Variants in PTPRD observed in about 807,000 individuals in gnomAD.
PTPRD encodes the protein receptor-type tyrosine-protein phosphatase delta.
In PTPRD, 34 loss-of-function variants were observed where a neutral mutation model predicts 214.5. The observed-to-expected ratio is 0.16, with a 90% CI of 0.12 to 0.21. The LOEUF is 0.21. Ranked by LOEUF, PTPRD falls within the 10% of genes least tolerant of loss-of-function variation. The pLI, the probability that PTPRD is intolerant of heterozygous loss-of-function variation, is 1.00. For synonymous variants in PTPRD, 1,128 were observed against 845.7 expected, an observed-to-expected ratio of 1.33 and a Z score of -5.79; for missense variants, 2,545 against 2,398.7, an observed-to-expected ratio of 1.06 and a Z score of -1.27.
At chr9:8,795,742 T>C (rs2096396705) in intron 11 of PTPRD, among the ~76,000 whole-genome samples, 1 of 152,218 alleles carries the variant, frequency 6.6e-6, no homozygotes, top group Non-Finnish European at 1.5e-5. Flanking sequence ...GTCTTATTTA[T>C]GAAGTGGAAA....
intron 20 of PTPRD, among the ~76,000 whole-genome samples, chr9:8,519,265 T>C (rs1482127748): frequency 6.6e-6 from 1 of 152,200 alleles, no homozygotes; most frequent in Non-Finnish European, 1.5e-5. Flanking sequence ...TGTAGCTACA[T>C]GACAAATATT....
intron 8 of PTPRD, among the ~76,000 whole-genome samples, chr9:9,426,134 G>A (rs753173194): frequency 1.3e-5 from 2 of 152,174 alleles, no homozygotes; most frequent in East Asian, 1.9e-4. Flanking sequence ...GAAGCACAAG[G>A]GGTTGGGGAA....
chr9:8,948,483 A>ATATATATATT (rs1567183067), intron 11 of PTPRD, among the ~76,000 whole-genome samples: 1 of 55,842 alleles, frequency 1.8e-5, no homozygotes, highest in African/African-American at 7.1e-5. Flanking sequence ...ATATATATTT[A>ATATATATATT]TATATATATT....
chr9:9,040,169 G>A (rs2099635126), intron 10 of PTPRD, among the ~76,000 whole-genome samples: 1 of 152,152 alleles, frequency 6.6e-6, no homozygotes, highest in Non-Finnish European at 1.5e-5. Context: ...TGAAACTCAA[G>A]TTTATGCTTT....
chr9:8,860,587 A>T (rs1322932634), intron 11 of PTPRD: 3 of 152,230 alleles, frequency 2.0e-5, no homozygotes, highest in Non-Finnish European at 4.4e-5. Flanking sequence ...TTCTCTGCAC[A>T]TCTGAGTAGT....
intron 11 of PTPRD, among the ~76,000 whole-genome samples, chr9:8,892,663 ATATATATGTGTATATATATATGAGTG>A (rs1566866428): frequency 3.2e-4 from 43 of 133,498 alleles, no homozygotes; most frequent in African/African-American, 1.2e-3. Flanking sequence ...ATATGAGTGT[ATATATATGTGTATATATATATGAGTG>A]TATATATATA....
rs1255857206 is a variant in PTPRD at position 9,110,704 on chromosome 9, C to T, written c.-143+72600G>A. Reference sequence around the variant, plus strand: ...ATCCTCTTATCTCCCTGCCCACAGACCACCATCAACTCAGCCTGTACTTTG... The same window carrying T: ...ATCCTCTTATCTCCCTGCCCACAGATCACCATCAACTCAGCCTGTACTTTG... On this transcript the variant is annotated intron_variant, in intron 10 of 45. Transcript: ENST00000381196. Among the ~76,000 whole-genome samples the T allele has an allele frequency of 3.9e-5, 6 of 152,160 alleles. No homozygotes were observed. The South Asian group carries it at 1.0e-3, about 26-fold the overall frequency.
chr9:9,914,522 A>G (rs761992922), intron 5 of PTPRD, among the ~76,000 whole-genome samples: 6 of 152,190 alleles, frequency 3.9e-5, no homozygotes, highest in Non-Finnish European at 8.8e-5. Context: ...CTCACATTCT[A>G]GGCCTGACTT....
intron 10 of PTPRD, among the ~76,000 whole-genome samples, chr9:9,041,182 T>A (rs145439827): frequency 3.0e-4 from 46 of 152,260 alleles, no homozygotes; most frequent in Admixed American, 1.5e-3. Context: ...ATTAAAAAAA[T>A]ATAACTCTCA....
intron 5 of PTPRD, among the ~76,000 whole-genome samples, chr9:9,936,094 C>T (rs1215835406): frequency 6.8e-6 from 1 of 146,600 alleles, no homozygotes; most frequent in African/African-American, 2.7e-5. Context: ...GGATTAAAGA[C>T]TTAAACGTTC....
intron 2 of PTPRD, among the ~76,000 whole-genome samples, chr9:10,570,024 C>A (rs566009304): frequency 2.6e-5 from 4 of 151,892 alleles, no homozygotes; most frequent in Non-Finnish European, 5.9e-5. Flanking sequence ...AGGTCATTTT[C>A]GTATAAAACT....
At chr9:9,244,234 G>C (rs1290010550) in intron 9 of PTPRD, among the ~76,000 whole-genome samples, 1 of 152,092 alleles carries the variant, frequency 6.6e-6, no homozygotes, top group Non-Finnish European at 1.5e-5. Flanking sequence ...TAGATTCAAT[G>C]CCATCCCCAT....
At chr9:8,860,203 C>T (rs1486431361) in intron 11 of PTPRD, 2 of 152,234 alleles carry the variant, frequency 1.3e-5, no homozygotes, top group Admixed American at 6.5e-5. Flanking sequence ...AAATGTATCA[C>T]TCTGCCTGCA....
chr9:8,522,990 G>A (rs1225677503), intron 19 of PTPRD, among the ~76,000 whole-genome samples: 1 of 152,124 alleles, frequency 6.6e-6, no homozygotes, highest in Non-Finnish European at 1.5e-5. Flanking sequence ...CCTCATGGGT[G>A]AATGACAGTC....
chr9:9,748,252 T>C (rs1222183281), intron 6 of PTPRD, among the ~76,000 whole-genome samples: 1 of 152,200 alleles, frequency 6.6e-6, no homozygotes, highest in East Asian at 1.9e-4. Flanking sequence ...CTATGTCCTC[T>C]GTACTTTTTA....
At chr9:8,971,759 A>T (rs1247785615) in intron 11 of PTPRD, among the ~76,000 whole-genome samples, 1 of 151,398 alleles carries the variant, frequency 6.6e-6, no homozygotes, top group South Asian at 2.1e-4. Flanking sequence ...AGAATTATAT[A>T]TATATTACTT....
At chr9:8,359,961 A>G (rs1051030116) in intron 39 of PTPRD, among the ~76,000 whole-genome samples, 25 of 152,188 alleles carry the variant, frequency 1.6e-4, no homozygotes, top group Admixed American at 1.6e-3. Context: ...CCCATTGCTT[A>G]CTGCACTAGG....
At chr9:10,285,769 C>G (rs531608182) in intron 3 of PTPRD, among the ~76,000 whole-genome samples, 1 of 151,980 alleles carries the variant, frequency 6.6e-6, no homozygotes, top group Non-Finnish European at 1.5e-5. Context: ...TGCCACCATG[C>G]CTGGCTAACT....
intron 3 of PTPRD, among the ~76,000 whole-genome samples, chr9:10,295,710 A>G (rs1367586225): frequency 6.6e-6 from 1 of 152,084 alleles, no homozygotes; most frequent in East Asian, 1.9e-4. Context: ...TTCAGATGTA[A>G]TTAAAGTATG....
Sources: allele counts gnomAD v4.1 joint callset (sites outside exome capture counted in the v4.1 genomes callset), GRCh38; gene constraint gnomAD v4.1.1; transcripts MANE v1.5; gene names NCBI Gene and HGNC (gene_info 2026-07-23, HGNC 2026-07-21).